Variants in PIK3R5 observed in about 807,000 individuals in gnomAD.
PIK3R5 encodes the protein phosphoinositide-3-kinase regulatory subunit 5, also known as phosphoinositide 3-kinase regulatory subunit 5.
In PIK3R5, 32 loss-of-function variants were observed where a neutral mutation model predicts 94.9. That is an observed-to-expected ratio of 0.34 (90% CI 0.25 to 0.45). The LOEUF (loss-of-function observed/expected upper bound fraction) is 0.45. PIK3R5 is among the 20% of genes least tolerant of loss of function. The pLI, the probability that PIK3R5 is intolerant of heterozygous loss-of-function variation, is 1.00. For missense variants in PIK3R5, 853 were observed against 1,144.6 expected (o/e 0.75, Z 3.68); for synonymous variants, 443 against 479.4 (o/e 0.92, Z 0.99).
chr17:8,901,802 C>A (rs1303966110), intron 5 of PIK3R5, among the ~76,000 whole-genome samples: 2 of 152,144 alleles, frequency 1.3e-5, no homozygotes, highest in African/African-American at 2.4e-5. Context: ...GAATATCATT[C>A]CACCAAATGA....
At chr17:8,965,134 T>C (rs746133630) in intron 1 of PIK3R5, among the ~76,000 whole-genome samples, 12 of 152,228 alleles carry the variant, frequency 7.9e-5, no homozygotes, top group Non-Finnish European at 1.8e-4. Context: ...GCTGGCTAAC[T>C]AGCAGGCTGA....
At chr17:8,887,833 G>T in intron 10 of PIK3R5, 150 bp from the exon 11 acceptor site, 4 of 479,536 alleles carry the variant, frequency 8.3e-6, no homozygotes, top group Non-Finnish European at 1.4e-5. Flanking sequence ...TCTCTACTAA[G>T]ACAAAAAAAA....
chr17:8,894,366 A>G (rs1016176710), intron 5 of PIK3R5, among the ~76,000 whole-genome samples: 1 of 152,044 alleles, frequency 6.6e-6, no homozygotes, highest in African/African-American at 2.4e-5. Context: ...CTCTCAGCCC[A>G]TCCACTTTGC....
In PIK3R5 at chr17:8,881,527, A is replaced by G; in HGVS notation, c.2382+103T>C. 1.1e-6 allele frequency: 1 copy of G among 878,464 alleles called. No individual in the cohort carries two copies. Among genetic ancestry groups the G allele is most frequent in the Non-Finnish European group, 1.9e-6 (1 of 536,618 alleles). 54.4% of individuals were successfully genotyped at this position (878,464 alleles called of 1,614,324 possible). A position where few individuals can be genotyped will look rare whatever the true frequency, so the allele number is the denominator to read the frequency against. ...TGTACACACGGGTGTGTATGTGCAC[A>G]CATGCACACACATACATGTGCACAC... On this transcript the variant is annotated intron_variant, in intron 17 of 18. Transcript: ENST00000447110. This position sits in a 1 kb window ranked among gnomAD's most constrained non-coding sequence, Gnocchi z 4.8.
At chr17:8,937,532 G>A (rs1347775985) in intron 1 of PIK3R5, among the ~76,000 whole-genome samples, 3 of 152,096 alleles carry the variant, frequency 2.0e-5, no homozygotes, top group African/African-American at 4.8e-5. Flanking sequence ...AATTAACTAC[G>A]TTAGTTGACT....
chr17:8,887,575 A>C lies in PIK3R5; in HGVS notation c.1725T>G (p.Pro575=), dbSNP rs1392408212. The change falls in exon 11 of 19, where the codon CCT becomes CCG. Residue 575 remains proline, a synonymous_variant. Coordinates refer to ENST00000447110, the MANE Select transcript of PIK3R5 (RefSeq NM_001142633.3). The stretch of plus-strand genomic sequence containing the variant: ...TCGGGGGTGAGGGCGTCTGGCTCCG[A>C]GGGGGTGGACAGGCACCAGGGCTGG... The part of the protein sequence containing the change: ...HGTSPGACPP[P]RSQTPSPPTD... 1.2e-6 allele frequency: 2 copies of C among 1,608,940 alleles called. No individual in the cohort carries two copies. The highest frequency in any genetic ancestry group is 1.7e-6 in the Non-Finnish European group (2 of 1,177,946).
At chr17:8,906,578 G>A (rs973881593) in intron 3 of PIK3R5, among the ~76,000 whole-genome samples, 8 of 151,900 alleles carry the variant, frequency 5.3e-5, no homozygotes, top group South Asian at 2.1e-4. Flanking sequence ...TTGAAGCTTC[G>A]TTTTCTGAAA....
Position 8,890,270 on chromosome 17 carries a change from G to T in PIK3R5, c.658-144C>A. On this transcript the variant is annotated intron_variant, in intron 7 of 18. Coordinates refer to ENST00000447110, the MANE Select transcript of PIK3R5 (RefSeq NM_001142633.3). This position sits in a 1 kb window ranked among gnomAD's most constrained non-coding sequence, Gnocchi z 6.1. Reference sequence around the variant, plus strand: ...CCATCTCCTACCCACAGCTGGCCAGGCAGCCAGGCCTCTCCCTGCCCTTCC... The same window carrying T: ...CCATCTCCTACCCACAGCTGGCCAGTCAGCCAGGCCTCTCCCTGCCCTTCC... 2 of 799,006 alleles carry T rather than the reference G, an allele frequency of 2.5e-6. No homozygotes were observed. Among genetic ancestry groups the T allele is most frequent in the Non-Finnish European group, 4.0e-6 (2 of 500,620 alleles). The allele number at this position is 799,006 out of a possible 1,614,324, so 49.5% of individuals were successfully genotyped here. A position where few individuals can be genotyped will look rare whatever the true frequency, so the allele number is the denominator to read the frequency against.
rs774666060 is a variant in PIK3R5, at chr17:8,935,136, C to T, written c.-13-23629G>A. On this transcript the variant is annotated intron_variant, in intron 1 of 18. Transcript: ENST00000447110. This position sits in a 1 kb window ranked among gnomAD's most constrained non-coding sequence, Gnocchi z 4.5. ...TGGATGTCCACCCCCACCCTTTCAG[C>T]TCCCAGAGCATCTCTGCTTCCACTG... 1.2e-3 allele frequency among the ~76,000 whole-genome samples: 185 copies of T among 152,166 alleles called. 5 individuals are homozygous for T. Among genetic ancestry groups the T allele is most frequent in the Non-Finnish European group, 2.8e-4 (19 of 68,032 alleles).
At chr17:8,918,641 T>A (rs1277735097) in intron 1 of PIK3R5, among the ~76,000 whole-genome samples, 6 of 152,148 alleles carry the variant, frequency 3.9e-5, no homozygotes, top group African/African-American at 1.4e-4. Context: ...TAATTGTAGA[T>A]CCACTGATGA....
At chr17:8,918,884 G>A (rs181543) in intron 1 of PIK3R5, among the ~76,000 whole-genome samples, 65,600 of 151,998 alleles carry the variant, frequency 0.43, 15,104 homozygotes, top group East Asian at 0.62. Context: ...GGAAGGACAC[G>A]TCACTTCTTT....
intron 1 of PIK3R5, among the ~76,000 whole-genome samples, chr17:8,936,119 T>C (rs1176868492): frequency 1.3e-5 from 2 of 151,518 alleles, no homozygotes; most frequent in East Asian, 1.9e-4. Context: ...ATTCTTAAAG[T>C]AGTTTTAGGT....
intron 1 of PIK3R5, among the ~76,000 whole-genome samples, chr17:8,964,865 C>T (rs983488094): frequency 3.3e-5 from 5 of 152,178 alleles, no homozygotes; most frequent in Middle Eastern, 3.2e-3. Context: ...GTCTTGTTAA[C>T]TCGCTTTATA....
chr17:8,937,136 G>A (rs1304941114), intron 1 of PIK3R5, among the ~76,000 whole-genome samples: 1 of 152,128 alleles, frequency 6.6e-6, no homozygotes, highest in Admixed American at 6.5e-5. Flanking sequence ...CTTAGTTCCA[G>A]GAATGTTGTT....
intron 1 of PIK3R5, among the ~76,000 whole-genome samples, chr17:8,920,805 C>CAT (rs907515527): frequency 6.6e-6 from 1 of 151,152 alleles, no homozygotes; most frequent in Non-Finnish European, 1.5e-5. Context: ...AATACAGGTC[C>CAT]ATATGTATAT....
At chr17:8,906,217 A>G (rs2090394547) in intron 3 of PIK3R5, among the ~76,000 whole-genome samples, 1 of 151,580 alleles carries the variant, frequency 6.6e-6, no homozygotes, top group African/African-American at 2.4e-5. Context: ...ATGTGTTCTC[A>G]TTGTTCAAAT....
intron 1 of PIK3R5, among the ~76,000 whole-genome samples, chr17:8,960,616 G>A (rs529758829): frequency 6.6e-6 from 1 of 152,360 alleles, no homozygotes; most frequent in East Asian, 1.9e-4. Context: ...CCATCCCACA[G>A]ATGGGGAAAC....
intron 6 of PIK3R5, among the ~76,000 whole-genome samples, chr17:8,891,968 C>T (rs886457538): frequency 6.6e-6 from 1 of 152,192 alleles, no homozygotes; most frequent in Non-Finnish European, 1.5e-5. Context: ...GCTGATCACT[C>T]TGTTTACAGT....
In PIK3R5 at chr17:8,884,177, C is replaced by T. The variant is rs1052620344; in HGVS notation, c.2205+530G>A. On this transcript the variant is annotated intron_variant, in intron 15 of 18. Transcript: ENST00000447110. This position sits in a 1 kb window ranked among gnomAD's most constrained non-coding sequence, Gnocchi z 5.8. ...GCTAAGAGGATATCTTTGGAATGGCCGAAGGAAGAAGCCCACCTGTGAGGC... is the reference window on the plus strand; with the variant it reads ...GCTAAGAGGATATCTTTGGAATGGCTGAAGGAAGAAGCCCACCTGTGAGGC... 6.6e-6 allele frequency among the ~76,000 whole-genome samples: 1 copy of T among 152,070 alleles called. No homozygotes were observed. Among genetic ancestry groups the T allele is most frequent in the East Asian group, 1.9e-4 (1 of 5,200 alleles).
Sources: gnomAD v4.1 joint callset for allele counts (sites outside exome capture counted in the v4.1 genomes callset) on GRCh38, gnomAD v4.1.1 for gene constraint, Gnocchi (gnomAD v3.1) non-coding constraint, MANE v1.5 for transcripts, NCBI Gene and HGNC (gene_info 2026-07-23, HGNC 2026-07-21) for gene names.